Variants in NELL1 observed in about 807,000 individuals in gnomAD.
The protein encoded by NELL1 is protein kinase C-binding protein NELL1.
NELL1 carries 76 observed loss-of-function variants against 107.4 expected under a neutral mutation model. The observed-to-expected ratio is 0.71, with a 90% CI of 0.59 to 0.86. The LOEUF (loss-of-function observed/expected upper bound fraction) is 0.86, where lower values mean the gene tolerates loss of function less well. NELL1 is among the 40% of genes least tolerant of loss of function. NELL1 has a pLI of 0.00. For synonymous variants in NELL1, 353 were observed against 341.2 expected (o/e 1.03, Z -0.38); for missense variants, 1,024 against 1,005.5 (o/e 1.02, Z -0.25).
intron 12 of NELL1, among the ~76,000 whole-genome samples, chr11:21,044,940 G>A (rs1465223507): frequency 1.3e-5 from 2 of 152,144 alleles, no homozygotes; most frequent in Non-Finnish European, 1.5e-5. Context: ...AGCTGGTTGT[G>A]TGAACTTGCT....
chr11:21,552,547 C>A (rs59381376), intron 16 of NELL1, among the ~76,000 whole-genome samples: 1 of 151,882 alleles, frequency 6.6e-6, no homozygotes, highest in East Asian at 1.9e-4. Context: ...CCTCCAAAGT[C>A]TAGAGCAGTG....
At chr11:21,410,017 T>C (rs1295877715) in intron 15 of NELL1, among the ~76,000 whole-genome samples, 2 of 152,086 alleles carry the variant, frequency 1.3e-5, no homozygotes, top group African/African-American at 4.8e-5. Flanking sequence ...AAAAATAATT[T>C]TCACAATAAT....
Position 21,247,681 on chromosome 11 carries a change from A to G in NELL1, c.1549+18227A>G, listed in dbSNP as rs980454624. Among the ~76,000 whole-genome samples, 6 of 152,226 alleles carry G rather than the reference A, an allele frequency of 3.9e-5. No homozygotes were observed. In the South Asian group the frequency reaches 6.2e-4, roughly 16 times the overall value. ...AATATGTAAGTGGGACTATACAACA[A>G]TGATTAAAAACAATAGCACAGTAAA... On this transcript the variant is annotated intron_variant, in intron 14 of 19. Coordinates refer to ENST00000357134, the MANE Select transcript of NELL1 (RefSeq NM_006157.5).
rs770743919 is a variant in NELL1, at chr11:20,678,003, C to T, written c.127C>T (p.Leu43Phe). 3.1e-6 allele frequency: 5 copies of T among 1,614,108 alleles called. No homozygotes were observed. In the East Asian group the frequency reaches 6.7e-5, roughly 22 times the overall value. ...VTELDLVNTT[L>F]GVAQVSGMHN... ...CGAGCTTGACCTTGTGAACACCACC[C>T]TTGGAGTTGCTCAGGTGTCTGGAAT... Residue 43 changes from leucine (L) to phenylalanine (F), a missense_variant, in exon 2 of 20, where the codon CTT (leucine) becomes TTT (phenylalanine). By Grantham distance (22) the Leu-to-Phe change is conservative. Coordinates refer to ENST00000357134, the MANE Select transcript of NELL1 (RefSeq NM_006157.5).
intron 12 of NELL1, among the ~76,000 whole-genome samples, chr11:21,099,743 G>A (rs1204444185): frequency 3.9e-5 from 6 of 152,192 alleles, no homozygotes; most frequent in Admixed American, 2.6e-4. Context: ...CTAATAGGTA[G>A]AAAATCTGGC....
intron 3 of NELL1, among the ~76,000 whole-genome samples, chr11:20,845,184 G>C (rs2134054479): frequency 6.6e-6 from 1 of 152,264 alleles, no homozygotes; most frequent in Non-Finnish European, 1.5e-5. Context: ...GCAGGATGTG[G>C]CCAGAAACTT....
chr11:20,843,373 A>G (rs1239939791), intron 3 of NELL1, among the ~76,000 whole-genome samples: 2 of 152,134 alleles, frequency 1.3e-5, no homozygotes, highest in Non-Finnish European at 2.9e-5. Flanking sequence ...CTGAATAGCT[A>G]GTATATATCC....
intron 1 of NELL1, among the ~76,000 whole-genome samples, chr11:20,671,985 G>A (rs1310593417): frequency 3.9e-5 from 6 of 152,206 alleles, no homozygotes; most frequent in Non-Finnish European, 8.8e-5. Flanking sequence ...GGAAGGATCT[G>A]ACCCACTGGT....
chr11:20,714,794 G>C lies in NELL1; in HGVS notation c.184+36734G>C, dbSNP rs76514634. 4.7e-3 allele frequency among the ~76,000 whole-genome samples: 722 copies of C among 152,130 alleles called. 11 individuals are homozygous for C. The highest frequency in any genetic ancestry group is 0.017 in the African/African-American group (693 of 41,500). On this transcript the variant is annotated intron_variant, in intron 2 of 19. Transcript: ENST00000357134. The stretch of plus-strand genomic sequence containing the variant: ...CTAGCAATTTCCTACCATGTGCTAG[G>C]CACTTTTTAAAGCATGAGGGATATA...
chr11:21,544,954 T>C (rs1856399686), intron 16 of NELL1, among the ~76,000 whole-genome samples: 1 of 151,910 alleles, frequency 6.6e-6, no homozygotes, highest in Non-Finnish European at 1.5e-5. Flanking sequence ...TCAGAATGTT[T>C]CTACTATCTT....
At chr11:21,035,255 G>A (rs1853059965) in intron 12 of NELL1, among the ~76,000 whole-genome samples, 1 of 151,916 alleles carries the variant, frequency 6.6e-6, no homozygotes, top group African/African-American at 2.4e-5. Flanking sequence ...CCAGAAACAA[G>A]CCCAGGATCA....
intron 13 of NELL1, among the ~76,000 whole-genome samples, chr11:21,193,448 T>C (rs1299690936): frequency 1.3e-5 from 2 of 151,916 alleles, no homozygotes; most frequent in East Asian, 3.8e-4. Flanking sequence ...TAAGGCATTT[T>C]GTCACTGGCA....
chr11:21,226,880 A>C (rs1249123185), intron 13 of NELL1, among the ~76,000 whole-genome samples: 1 of 152,226 alleles, frequency 6.6e-6, no homozygotes, highest in African/African-American at 2.4e-5. Context: ...CAGATAAACC[A>C]ACTACATTGT....
intron 12 of NELL1, among the ~76,000 whole-genome samples, chr11:21,095,357 G>C (rs1163789873): frequency 6.6e-6 from 1 of 152,170 alleles, no homozygotes; most frequent in Admixed American, 6.5e-5. Context: ...GTCTTCTTCC[G>C]AGCCCTGCAA....
chr11:21,471,367 A>G (rs1564910755), intron 15 of NELL1, among the ~76,000 whole-genome samples: 1 of 152,084 alleles, frequency 6.6e-6, no homozygotes, highest in African/African-American at 2.4e-5. Context: ...CCACTAGAAC[A>G]TGCTTTAATA....
intron 15 of NELL1, among the ~76,000 whole-genome samples, chr11:21,478,116 A>G (rs1028880012): frequency 3.3e-5 from 5 of 152,102 alleles, no homozygotes; most frequent in Admixed American, 1.3e-4. Flanking sequence ...AAGGTGAAGG[A>G]AAAGCAAGCA....
At chr11:21,471,146 G>A (rs900430099) in intron 15 of NELL1, among the ~76,000 whole-genome samples, 8 of 151,876 alleles carry the variant, frequency 5.3e-5, no homozygotes, top group African/African-American at 1.9e-4. Context: ...CAATCCTTGT[G>A]GTCATAAAAC....
chr11:20,737,493 G>T (rs1855789134), intron 2 of NELL1, among the ~76,000 whole-genome samples: 1 of 152,028 alleles, frequency 6.6e-6, no homozygotes, highest in Admixed American at 6.6e-5. Context: ...AAAAGAATGT[G>T]ACCCTGAGTC....
chr11:20,701,252 A>T (rs1400388016), intron 2 of NELL1, among the ~76,000 whole-genome samples: 2 of 152,140 alleles, frequency 1.3e-5, no homozygotes, highest in East Asian at 3.8e-4. Flanking sequence ...CATTTCTCTG[A>T]TGCTCAGTCA....
Sources: allele counts gnomAD v4.1 joint callset (sites outside exome capture counted in the v4.1 genomes callset), GRCh38; gene constraint gnomAD v4.1.1; transcripts MANE v1.5; gene names NCBI Gene and HGNC (gene_info 2026-07-23, HGNC 2026-07-21).